Variants in LIG1 observed in about 807,000 individuals in gnomAD.
The protein encoded by LIG1 is DNA ligase 1.
In LIG1, 70 loss-of-function variants were observed where a neutral mutation model predicts 115.7. The observed-to-expected ratio is 0.60, with a 90% CI of 0.50 to 0.74. LIG1 has a LOEUF of 0.74. Ranked by LOEUF, LIG1 falls within the 30% of genes least tolerant of loss-of-function variation. LIG1 has a pLI of 0.00. For synonymous variants in LIG1, 487 were observed against 495.3 expected, an observed-to-expected ratio of 0.98 and a Z score of 0.22; for missense variants, 1,115 against 1,225.6, an observed-to-expected ratio of 0.91 and a Z score of 1.35.
In LIG1 at chr19:48,135,790, A is replaced by G. The variant is rs1484894457; in HGVS notation, c.1424-11T>C. 1 of 1,609,970 alleles carries G rather than the reference A, an allele frequency of 6.2e-7. No homozygotes were observed. The highest frequency in any genetic ancestry group is 2.2e-5 in the East Asian group (1 of 44,876). ...TGGCTGGTGGGAATTCTAAGAAAAGACCCACCAGAGGCTTTGGAAGGCACC... is the reference window on the plus strand; with the variant it reads ...TGGCTGGTGGGAATTCTAAGAAAAGGCCCACCAGAGGCTTTGGAAGGCACC... On this transcript the variant is annotated splice_polypyrimidine_tract_variant and intron_variant, in intron 15 of 27. Transcript: ENST00000263274.
chr19:48,166,969 AAAAAAGAAAG>A (rs574069734), intron 1 of LIG1, among the ~76,000 whole-genome samples: 21,813 of 146,254 alleles, frequency 0.15, 1,837 homozygotes, highest in African/African-American at 0.25. Flanking sequence ...CAAAAAAAAA[AAAAAAGAAAG>A]AAAAAGAAAG....
chr19:48,156,553 A>ATTT (rs2035849715), intron 5 of LIG1, among the ~76,000 whole-genome samples: 2 of 152,208 alleles, frequency 1.3e-5, no homozygotes, highest in Non-Finnish European at 2.9e-5. Flanking sequence ...CAGGTCATAC[A>ATTT]GCCAGTGGAT....
At chr19:48,131,025 C>T in intron 19 of LIG1, 51 bp downstream of exon 19, 1 of 1,475,390 alleles carries the variant, frequency 6.8e-7, no homozygotes. Flanking sequence ...CAGGCCTTTG[C>T]ACCCCTGACC....
At chr19:48,123,355 T>C in intron 21 of LIG1, 37 bp from the exon 22 acceptor site, 1 of 1,606,864 alleles carries the variant, frequency 6.2e-7, no homozygotes. Context: ...ATGAGACATC[T>C]TTGTGAGAAT....
chr19:48,150,094 A>C lies in LIG1; in HGVS notation c.691T>G (p.Phe231Val). ...GTGAGCAAGGGAAACTCACTGAAGA[A>C]GCTGCTGAGCGTCTTGGGAGCTCTG... ...PRRAPKTLSS[F>V]FTPRKPAVKK... The change falls in exon 8 of 28, where the codon TTC becomes GTC. Residue 231 changes from phenylalanine (F) to valine (V), a missense_variant. Physicochemically the swap from Phe to Val is conservative, Grantham distance 50. Coordinates refer to ENST00000263274, the MANE Select transcript of LIG1 (RefSeq NM_000234.3). 1 of 1,614,182 alleles carries C rather than the reference A, an allele frequency of 6.2e-7. No individual in the cohort carries two copies. The highest frequency in any genetic ancestry group is 1.6e-4 in the Middle Eastern group (1 of 6,062).
At chr19:48,157,732 A>C (rs2035940180) in intron 4 of LIG1, among the ~76,000 whole-genome samples, 1 of 152,050 alleles carries the variant, frequency 6.6e-6, no homozygotes, top group South Asian at 2.1e-4. Context: ...TTTTTTATAG[A>C]GATGGGGCTT....
At chr19:48,160,348 C>G (rs2036102266) in intron 4 of LIG1, among the ~76,000 whole-genome samples, 1 of 152,038 alleles carries the variant, frequency 6.6e-6, no homozygotes, top group Non-Finnish European at 1.5e-5. Context: ...GAGTTTTAGG[C>G]TGGGAAAGAA....
intron 9 of LIG1, among the ~76,000 whole-genome samples, chr19:48,147,931 G>T (rs1162837814): frequency 6.6e-6 from 1 of 152,244 alleles, no homozygotes; most frequent in Non-Finnish European, 1.5e-5. Context: ...AGACTAAGAA[G>T]GCTGGGACCT....
chr19:48,169,998 T>C lies in LIG1; in HGVS notation c.-58+243A>G, dbSNP rs186555038. ...CCTCAAGGCCTCTTCTCAGAGGACC[T>C]GTCCAACTGTCTCTGTCTCTCGTCT... On this transcript the variant is annotated intron_variant, in intron 1 of 27. Coordinates refer to ENST00000263274, the MANE Select transcript of LIG1 (RefSeq NM_000234.3). The C allele has an allele frequency of 1.7e-3, 483 of 284,044 alleles. 6 individuals are homozygous for C. The highest frequency in any genetic ancestry group is 0.011 in the African/African-American group (420 of 37,640). The allele number at this position is 284,044 out of a possible 1,614,324, so 17.6% of individuals were successfully genotyped here.
At chr19:48,169,187 T>G (rs1157689088) in intron 1 of LIG1, among the ~76,000 whole-genome samples, 1 of 152,328 alleles carries the variant, frequency 6.6e-6, no homozygotes, top group South Asian at 2.1e-4. Flanking sequence ...ACATTAGCGG[T>G]TGCCAGGGGC....
chr19:48,133,729 G>A (rs1386147591), intron 17 of LIG1, among the ~76,000 whole-genome samples: 2 of 152,132 alleles, frequency 1.3e-5, no homozygotes. Flanking sequence ...CCGAGTAGCT[G>A]GGATCACAGG....
intron 11 of LIG1, among the ~76,000 whole-genome samples, chr19:48,143,043 G>A (rs572253682): frequency 9.8e-5 from 15 of 152,326 alleles, no homozygotes; most frequent in African/African-American, 3.4e-4. Flanking sequence ...GGGGCTGGCA[G>A]GGACCAGCGA....
intron 12 of LIG1, among the ~76,000 whole-genome samples, chr19:48,138,139 G>A: frequency 6.6e-6 from 1 of 152,120 alleles, no homozygotes; most frequent in East Asian, 1.9e-4. Context: ...ACACACGTGG[G>A]ATGTGCTCTG....
At chr19:48,157,607 C>T (rs888408088) in intron 4 of LIG1, among the ~76,000 whole-genome samples, 5 of 152,094 alleles carry the variant, frequency 3.3e-5, no homozygotes, top group Non-Finnish European at 5.9e-5. Flanking sequence ...TGCAGTGGCG[C>T]GATCTCGGCT....
rs767567448 is a variant in LIG1, at chr19:48,162,245, C to A, written c.107+17G>T. 1 of 1,600,238 alleles carries A rather than the reference C, an allele frequency of 6.2e-7. No homozygotes were observed. The highest frequency in any genetic ancestry group is 1.7e-5 in the Admixed American group (1 of 59,984). ...GCTAAAGGAAAAAATTCACCATATCCCAGCCCTGTGACATACTTTGGAGGG... is the reference window on the plus strand; with the variant it reads ...GCTAAAGGAAAAAATTCACCATATCACAGCCCTGTGACATACTTTGGAGGG... On this transcript the variant is annotated intron_variant, in intron 3 of 27. Transcript: ENST00000263274.
intron 20 of LIG1, chr19:48,127,673 T>C (rs1006352873): frequency 4.8e-6 from 3 of 620,710 alleles, no homozygotes; most frequent in Non-Finnish European, 8.6e-6. Flanking sequence ...GAACAGATCT[T>C]CTTTCATAGT....
chr19:48,166,125 A>G (rs1467813194), intron 1 of LIG1, among the ~76,000 whole-genome samples: 2 of 152,352 alleles, frequency 1.3e-5, no homozygotes, highest in Non-Finnish European at 1.5e-5. Flanking sequence ...GGTCAGGCAC[A>G]GTAGCTCACG....
Position 48,117,646 on chromosome 19 carries a change from G to T in LIG1, c.2575C>A (p.Arg859=), listed in dbSNP as rs747743680. ...GGTCCTCTGCCACTCACCAGGCCCC[G>T]CGCAGCAGGGTAGATGGGAGAGAGG... ...LSLSPIYPAA[R]GLVDSDKGIS... The change falls in exon 26 of 28, where the codon CGG becomes AGG. Residue 859 remains arginine (R), a synonymous_variant. Transcript: ENST00000263274. 1.2e-6 allele frequency: 2 copies of T among 1,612,566 alleles called. No homozygotes were observed. Among genetic ancestry groups the T allele is most frequent in the African/African-American group, 2.7e-5 (2 of 75,038 alleles).
chr19:48,145,231 C>T (rs535868715), intron 9 of LIG1, among the ~76,000 whole-genome samples: 2 of 152,282 alleles, frequency 1.3e-5, no homozygotes, highest in Admixed American at 6.5e-5. Context: ...CTCACACTGA[C>T]CCCAGCCAAA....
Sources: allele counts gnomAD v4.1 joint callset (sites outside exome capture counted in the v4.1 genomes callset), GRCh38; gene constraint gnomAD v4.1.1; transcripts MANE v1.5; gene names NCBI Gene and HGNC (gene_info 2026-07-23, HGNC 2026-07-21).